The following INPP5A variants were observed in gnomAD, a reference collection of about 807,000 sequenced individuals.
INPP5A encodes 43 kDa inositol polyphosphate 5-phophatase.
A neutral mutation model predicts 65.2 loss-of-function variants in INPP5A; 14 were observed. The ratio of observed to expected loss-of-function variants is 0.21; its 90% CI spans 0.14 to 0.34. The LOEUF (loss-of-function observed/expected upper bound fraction) is 0.34. Ranked by LOEUF, INPP5A falls within the 10% of genes least tolerant of loss-of-function variation. The pLI, the probability that INPP5A is intolerant of heterozygous loss-of-function variation, is 1.00. For synonymous variants in INPP5A, 207 were observed against 208.3 expected, an observed-to-expected ratio of 0.99 and a Z score of 0.05; for missense variants, 431 against 545.6, an observed-to-expected ratio of 0.79 and a Z score of 2.09.
intron 11 of INPP5A, among the ~76,000 whole-genome samples, chr10:132,759,544 G>T (rs1016768697): frequency 6.6e-6 from 1 of 152,126 alleles, no homozygotes; most frequent in Admixed American, 6.5e-5. Flanking sequence ...TGTGGTAGCC[G>T]GAGGGGCCCA....
chr10:132,656,010 C>T (rs2072652917), intron 4 of INPP5A, among the ~76,000 whole-genome samples: 1 of 152,270 alleles, frequency 6.6e-6, no homozygotes, highest in Non-Finnish European at 1.5e-5. Flanking sequence ...GCACCTGCAG[C>T]AGCTTCTTCA....
chr10:132,756,706 G>A (rs952081031), intron 11 of INPP5A, among the ~76,000 whole-genome samples: 4 of 152,180 alleles, frequency 2.6e-5, no homozygotes, highest in African/African-American at 9.7e-5. Context: ...TACCATTACT[G>A]TAATGCACTC....
chr10:132,775,923 T>C (rs991007235), intron 12 of INPP5A, among the ~76,000 whole-genome samples: 1 of 152,172 alleles, frequency 6.6e-6, no homozygotes, highest in Admixed American at 6.5e-5. Flanking sequence ...TCCAGCTTCC[T>C]ATTTAGAAGT....
chr10:132,648,908 C>T (rs553027545), intron 3 of INPP5A, among the ~76,000 whole-genome samples: 3 of 152,300 alleles, frequency 2.0e-5, no homozygotes, highest in Non-Finnish European at 2.9e-5. Flanking sequence ...GTGGGTTTAT[C>T]GTTTTAATCA....
chr10:132,597,055 G>A (rs545900904), intron 1 of INPP5A, among the ~76,000 whole-genome samples: 77 of 151,964 alleles, frequency 5.1e-4, no homozygotes, highest in Admixed American at 1.8e-3. Flanking sequence ...GCATGTGTGT[G>A]TGCAGGCTCC....
intron 4 of INPP5A, among the ~76,000 whole-genome samples, chr10:132,653,014 C>T (rs1047669871): frequency 1.3e-5 from 2 of 152,080 alleles, no homozygotes; most frequent in Non-Finnish European, 2.9e-5. Flanking sequence ...AGGGGCAGTG[C>T]CCGCCACCCG....
At chr10:132,777,133 G>A (rs541509907) in intron 12 of INPP5A, among the ~76,000 whole-genome samples, 8 of 152,302 alleles carry the variant, frequency 5.3e-5, no homozygotes, top group Admixed American at 2.0e-4. Flanking sequence ...GCAGTGAGTC[G>A]GGGACAGTCA....
rs551243411 is a variant in INPP5A, at chr10:132,707,558, C to A, written c.475-755C>A. On this transcript the variant is annotated intron_variant, in intron 6 of 15. Coordinates refer to ENST00000368594, the MANE Select transcript of INPP5A (RefSeq NM_005539.5). This position sits in a 1 kb window ranked among gnomAD's most constrained non-coding sequence, Gnocchi z 5.5. Reference sequence around the variant, plus strand: ...CACGCTCGGTGGCCCCGGTGGCTGGCCACTGCTGTACTGGGTGGCCCAGCA... The same window carrying A: ...CACGCTCGGTGGCCCCGGTGGCTGGACACTGCTGTACTGGGTGGCCCAGCA... Among the ~76,000 whole-genome samples, 1 of 152,306 alleles carries A rather than the reference C, an allele frequency of 6.6e-6. No homozygotes were observed. Among genetic ancestry groups the A allele is most frequent in the African/African-American group, 2.4e-5 (1 of 41,578 alleles).
At chr10:132,748,946 C>T (rs1408789658) in intron 9 of INPP5A, among the ~76,000 whole-genome samples, 1 of 152,226 alleles carries the variant, frequency 6.6e-6, no homozygotes, top group African/African-American at 2.4e-5. Flanking sequence ...CCTCTGGGCC[C>T]CTGCCCACCC....
chr10:132,611,670 G>A (rs574890151), intron 2 of INPP5A, among the ~76,000 whole-genome samples: 4 of 124,044 alleles, frequency 3.2e-5, no homozygotes, highest in South Asian at 3.0e-4. Flanking sequence ...GAGAGGCCCT[G>A]TCAGGGGAGG....
At chr10:132,765,983 A>T in intron 12 of INPP5A, 137 bp downstream of exon 12, 1 of 671,782 alleles carries the variant, frequency 1.5e-6, no homozygotes, top group African/African-American at 1.8e-5. Flanking sequence ...GTGCATCCAG[A>T]GTGTGTGTAC....
chr10:132,762,398 G>C lies in INPP5A; in HGVS notation c.904-3375G>C, dbSNP rs1035369026. Among the ~76,000 whole-genome samples, 4 of 152,190 alleles carry C rather than the reference G, an allele frequency of 2.6e-5. No homozygotes were observed. Among genetic ancestry groups the C allele is most frequent in the Non-Finnish European group, 5.9e-5 (4 of 68,044 alleles). Reference sequence around the variant, plus strand: ...TTACATAAGAATGCAAGTGGCGGCGGGTTTCCAGAACAACCACAAAAATAC... The same window carrying C: ...TTACATAAGAATGCAAGTGGCGGCGCGTTTCCAGAACAACCACAAAAATAC... On this transcript the variant is annotated intron_variant, in intron 11 of 15. Transcript: ENST00000368594. The surrounding 1 kb of genome is among the most constrained non-coding windows in gnomAD (Gnocchi z 4.6).
chr10:132,599,544 C>T (rs758408866), intron 1 of INPP5A, among the ~76,000 whole-genome samples: 5 of 152,214 alleles, frequency 3.3e-5, no homozygotes, highest in African/African-American at 7.2e-5. Context: ...CTTTTCCAGG[C>T]ACACAGTGCA....
In INPP5A at chr10:132,546,330, C is replaced by A. The variant is rs2070971074; in HGVS notation, c.75+8159C>A. Among the ~76,000 whole-genome samples the A allele has an allele frequency of 6.6e-6, 1 of 152,178 alleles. No homozygotes were observed. The highest frequency in any genetic ancestry group is 2.1e-4 in the South Asian group (1 of 4,822). On this transcript the variant is annotated intron_variant, in intron 1 of 15. Coordinates refer to ENST00000368594, the MANE Select transcript of INPP5A (RefSeq NM_005539.5). This position sits in a 1 kb window ranked among gnomAD's most constrained non-coding sequence, Gnocchi z 5.7. ...GCTGCCGCTCCAGGTTCAGAAGATG[C>A]CGCTTCTGGTTTTTCCCCGTTGTGA...
intron 4 of INPP5A, among the ~76,000 whole-genome samples, chr10:132,685,392 C>A (rs2073102114): frequency 6.6e-6 from 1 of 152,266 alleles, no homozygotes; most frequent in African/African-American, 2.4e-5. Flanking sequence ...CTCACATGGG[C>A]ACTGCTTGTG....
chr10:132,672,730 C>G (rs1303297206), intron 4 of INPP5A, among the ~76,000 whole-genome samples: 1 of 152,218 alleles, frequency 6.6e-6, no homozygotes, highest in Non-Finnish European at 1.5e-5. Flanking sequence ...GATTTCTCAT[C>G]TCTTCAAAAA....
rs1180976790 is a variant in INPP5A, at chr10:132,741,065, A to T, written c.733-8452A>T. 6.6e-6 allele frequency among the ~76,000 whole-genome samples: 1 copy of T among 152,138 alleles called. No individual in the cohort carries two copies. The highest frequency in any genetic ancestry group is 1.5e-5 in the Non-Finnish European group (1 of 68,024). On this transcript the variant is annotated intron_variant, in intron 9 of 15. Coordinates refer to ENST00000368594, the MANE Select transcript of INPP5A (RefSeq NM_005539.5). This position sits in a 1 kb window ranked among gnomAD's most constrained non-coding sequence, Gnocchi z 4.4. ...CAACATAGGGAGTCCCCGTCTCTACAGAAAATAAGAAAGTAAAATTAGCCA... is the reference window on the plus strand; with the variant it reads ...CAACATAGGGAGTCCCCGTCTCTACTGAAAATAAGAAAGTAAAATTAGCCA...
chr10:132,624,103 C>T (rs182329177), intron 2 of INPP5A, among the ~76,000 whole-genome samples: 4 of 149,814 alleles, frequency 2.7e-5, no homozygotes, highest in Non-Finnish European at 5.9e-5. Context: ...GGGAATCTGT[C>T]ATTTCTTATA....
intron 1 of INPP5A, among the ~76,000 whole-genome samples, chr10:132,568,757 C>CAAACA (rs112407064): frequency 0.016 from 2,364 of 151,854 alleles, 32 homozygotes; most frequent in East Asian, 0.043. Flanking sequence ...AACTCTGTCT[C>CAAACA]AAACAAAACA....
Sources: allele counts gnomAD v4.1 joint callset (sites outside exome capture counted in the v4.1 genomes callset), GRCh38; gene constraint gnomAD v4.1.1; non-coding constraint Gnocchi (gnomAD v3.1); transcripts MANE v1.5; gene names NCBI Gene and HGNC (gene_info 2026-07-23, HGNC 2026-07-21).